The following ATF7IP2 variants were observed in gnomAD, a reference collection of about 807,000 sequenced individuals.
ATF7IP2 encodes activating transcription factor 7 interacting protein 2.
ATF7IP2 carries 42 observed loss-of-function variants against 64.2 expected under a neutral mutation model. The observed-to-expected ratio is 0.65, with a 90% CI of 0.51 to 0.85. The LOEUF (loss-of-function observed/expected upper bound fraction) is 0.85. Ranked by LOEUF, ATF7IP2 falls within the 40% of genes least tolerant of loss-of-function variation. The probability of loss-of-function intolerance (pLI) is 0.00; values close to 1 mark genes in which losing one functional copy is unlikely to be tolerated. For missense variants in ATF7IP2, 933 were observed against 784.2 expected (o/e 1.19, Z -2.27); for synonymous variants, 308 against 272.8 (o/e 1.13, Z -1.27).
chr16:10,420,664 TA>T (rs1461006617), intron 3 of ATF7IP2, among the ~76,000 whole-genome samples: 1 of 152,236 alleles, frequency 6.6e-6, no homozygotes, highest in Admixed American at 6.5e-5. Flanking sequence ...ATTCTACTCC[TA>T]ACTGCTGTTT....
Position 10,473,990 on chromosome 16 carries a change from G to T in ATF7IP2, c.1549+1G>T. ...GAAGGCCTATCCAACTGCAATACAG[G>T]TAAAAGGATTTTTTAGATCTTTCTT... On this transcript the variant is annotated splice_donor_variant, in intron 12 of 13. Transcript: ENST00000562102. LOFTEE classifies it high-confidence loss of function. The T allele has an allele frequency of 6.3e-7, 1 of 1,583,280 alleles. No individual in the cohort carries two copies.
chr16:10,431,233 T>TC lies in ATF7IP2; in HGVS notation c.615dup (p.Asn206GlnfsTer6). Reference sequence around the variant, plus strand: ...GATGGTTTTCCATTTAGAAACAAACTCCAATTCAGAATCACATGATAAAAG... The same window carrying TC: ...GATGGTTTTCCATTTAGAAACAAACTCCCAATTCAGAATCACATGATAAAAG... On this transcript the variant is annotated frameshift_variant, in exon 5 of 14. Coordinates refer to ENST00000562102, the MANE Select transcript of ATF7IP2 (RefSeq NM_001393719.1). LOFTEE classifies it high-confidence loss of function. 1.2e-6 allele frequency: 2 copies of TC among 1,614,144 alleles called. No individual in the cohort carries two copies. The highest frequency in any genetic ancestry group is 2.2e-5 in the South Asian group (2 of 91,080).
intron 6 of ATF7IP2, 46 bp downstream of exon 6, chr16:10,433,695 A>C (rs201540502): frequency 1.9e-6 from 3 of 1,594,686 alleles, no homozygotes; most frequent in Non-Finnish European, 1.7e-6. Flanking sequence ...TGATTAGTAA[A>C]ACATGGTAAA....
chr16:10,451,917 G>A (rs1057456184), intron 8 of ATF7IP2, among the ~76,000 whole-genome samples: 2 of 152,028 alleles, frequency 1.3e-5, no homozygotes, highest in Non-Finnish European at 2.9e-5. Context: ...GCTGGGCGTG[G>A]TGGTGCACGC....
intron 8 of ATF7IP2, 173 bp from the exon 9 acceptor site, chr16:10,457,199 A>G (rs2049198896): frequency 1.8e-6 from 1 of 554,864 alleles, no homozygotes; most frequent in Non-Finnish European, 3.1e-6. Context: ...GAGTTTTTAA[A>G]AATTCATTTT....
At chr16:10,473,893 G>C in intron 11 of ATF7IP2, 30 bp from the exon 12 acceptor site, 3 of 874,714 alleles carry the variant, frequency 3.4e-6, no homozygotes, top group Non-Finnish European at 4.7e-6. Flanking sequence ...TTGAGGCAAA[G>C]CTTTTTTTTT....
At chr16:10,471,014 G>A (rs566786667) in intron 9 of ATF7IP2, among the ~76,000 whole-genome samples, 2 of 152,210 alleles carry the variant, frequency 1.3e-5, no homozygotes, top group East Asian at 1.9e-4. Context: ...GGATAGGTAT[G>A]TTGACCAGTG....
chr16:10,444,626 C>T (rs1185104075), intron 8 of ATF7IP2, among the ~76,000 whole-genome samples: 4 of 152,176 alleles, frequency 2.6e-5, no homozygotes, highest in Admixed American at 6.5e-5. Context: ...GAATTCTGAG[C>T]AGGGCAATGG....
Position 10,430,995 on chromosome 16 carries a change from C to G in ATF7IP2, c.375C>G (p.Ser125=). 6.2e-7 allele frequency: 1 copy of G among 1,614,060 alleles called. No individual in the cohort carries two copies. Among genetic ancestry groups the G allele is most frequent in the Non-Finnish European group, 8.5e-7 (1 of 1,180,024 alleles). Residue 125 remains serine (S), a synonymous_variant, in exon 5 of 14, where the codon TCC becomes TCG. Transcript: ENST00000562102. ...AAAAGCCAAGTAGAACAACAGAATC[C>G]CCCAGCAGAGTCTTCACAGAAGAGG... ...SYQKPSRTTE[S]PSRVFTEEAK...
chr16:10,452,612 T>C (rs75544142), intron 8 of ATF7IP2, among the ~76,000 whole-genome samples: 2,124 of 152,314 alleles, frequency 0.014, 53 homozygotes, highest in African/African-American at 0.048. Flanking sequence ...CAGTCTGACA[T>C]TTAGCAGAGC....
Position 10,482,732 on chromosome 16 carries a change from A to AAAG in ATF7IP2, c.*485_*487dup, listed in dbSNP as rs2050281655. On this transcript the variant is annotated 3_prime_UTR_variant, in exon 14 of 14. Transcript: ENST00000562102. Reference sequence around the variant, plus strand: ...TGATAAAAGTTAATTATAAAAATTAAAAGATTTTTTTTTTTGAGATGGAAT... The same window carrying AAAG: ...TGATAAAAGTTAATTATAAAAATTAAAAGAAGATTTTTTTTTTTGAGATGGAAT... 6.6e-6 allele frequency: 1 copy of AAAG among 150,932 alleles called. No individual in the cohort carries two copies. Among genetic ancestry groups the AAAG allele is most frequent in the South Asian group, 2.1e-4 (1 of 4,736 alleles). 9.3% of individuals were successfully genotyped at this position (150,932 alleles called of 1,614,324 possible).
intron 3 of ATF7IP2, among the ~76,000 whole-genome samples, chr16:10,425,311 C>A (rs991046518): frequency 6.7e-6 from 1 of 149,592 alleles, no homozygotes; most frequent in African/African-American, 2.5e-5. Context: ...CTCAAGTGAT[C>A]CACCCGCCTC....
Position 10,457,375 on chromosome 16 carries a change from G to C in ATF7IP2, c.1198G>C (p.Ala400Pro). The change falls in exon 9 of 14, where the codon GCA (alanine) becomes CCA (proline). Residue 400 changes from alanine (A) to proline (P), a missense_variant. Physicochemically the swap from Ala to Pro is conservative, Grantham distance 27. Transcript: ENST00000562102. Reference sequence around the variant, plus strand: ...TTTTTTCTCACCTATTTAATAGGTTGCAAATTCAGAGGCTATGATTTTGGA... The same window carrying C: ...TTTTTTCTCACCTATTTAATAGGTTCCAAATTCAGAGGCTATGATTTTGGA... The part of the protein sequence containing the change: ...MLSSNGASKV[A>P]NSEAMILDKN... 6.3e-7 allele frequency: 1 copy of C among 1,599,928 alleles called. No homozygotes were observed. Among genetic ancestry groups the C allele is most frequent in the Non-Finnish European group, 8.5e-7 (1 of 1,176,052 alleles).
At position 10,430,687 on chromosome 16, in the gene ATF7IP2, C is replaced by G; in HGVS notation, c.67C>G (p.Arg23Gly). The change falls in exon 5 of 14, where the codon CGG (arginine) becomes GGG (glycine). Residue 23 changes from arginine to glycine, a missense_variant. Coordinates refer to ENST00000562102, the MANE Select transcript of ATF7IP2 (RefSeq NM_001393719.1). ...KAKKTMPLSC[R>G]KQVEMLNKSR... The stretch of plus-strand genomic sequence containing the variant: ...CAAAAAGACAATGCCCCTAAGTTGC[C>G]GGAAGCAAGTAGAGATGCTGAATAA... 1 of 1,613,980 alleles carries G rather than the reference C, an allele frequency of 6.2e-7. No homozygotes were observed. Among genetic ancestry groups the G allele is most frequent in the Middle Eastern group, 1.6e-4 (1 of 6,062 alleles).
At chr16:10,390,098 G>GT (rs1157518416) in intron 1 of ATF7IP2, among the ~76,000 whole-genome samples, 9 of 151,842 alleles carry the variant, frequency 5.9e-5, no homozygotes, top group Admixed American at 2.0e-4. Flanking sequence ...CAGTTCAGTA[G>GT]TTTTTTTTAA....
At chr16:10,480,186 C>T (rs1436565765) in intron 12 of ATF7IP2, among the ~76,000 whole-genome samples, 2 of 151,646 alleles carry the variant, frequency 1.3e-5, no homozygotes, top group Non-Finnish European at 2.9e-5. Context: ...AGCATTCTAC[C>T]ATGTTGCCCA....
intron 8 of ATF7IP2, chr16:10,447,388 C>T (rs2048844553): frequency 6.6e-6 from 1 of 152,118 alleles, no homozygotes; most frequent in Non-Finnish European, 1.5e-5. Context: ...CAGAAGATGA[C>T]CGGAGACCCT....
At chr16:10,398,399 G>A (rs2047461844) in intron 1 of ATF7IP2, among the ~76,000 whole-genome samples, 1 of 152,036 alleles carries the variant, frequency 6.6e-6, no homozygotes, top group Non-Finnish European at 1.5e-5. Context: ...AATTAGTATA[G>A]CCATTATTTT....
rs559870042 is a variant in ATF7IP2 at position 10,387,328 on chromosome 16, G to C, written c.-242+1206G>C. The C allele has an allele frequency of 3.3e-5, 5 of 152,312 alleles. No homozygotes were observed. In the South Asian group the frequency reaches 1.0e-3, roughly 32 times the overall value. The allele number at this position is 152,312 out of a possible 1,614,324, so 9.4% of individuals were successfully genotyped here. Reference sequence around the variant, plus strand: ...TCTTAGCTCGTTTATTCTGCAATACGTTTGTAGAAGTGTTGACTCCGATCT... The same window carrying C: ...TCTTAGCTCGTTTATTCTGCAATACCTTTGTAGAAGTGTTGACTCCGATCT... On this transcript the variant is annotated intron_variant, in intron 1 of 13. Transcript: ENST00000562102.
Sources: allele counts gnomAD v4.1 joint callset (sites outside exome capture counted in the v4.1 genomes callset), GRCh38; gene constraint gnomAD v4.1.1; transcripts MANE v1.5; gene names NCBI Gene and HGNC (gene_info 2026-07-23, HGNC 2026-07-21).